PTPRK: variants seen among roughly 807,000 people sequenced by gnomAD.
PTPRK encodes protein tyrosine phosphatase receptor type K.
A neutral mutation model predicts 178.0 loss-of-function variants in PTPRK; 75 were observed. That is an observed-to-expected ratio of 0.42 (90% CI 0.35 to 0.51). The LOEUF (loss-of-function observed/expected upper bound fraction) is 0.51. Among genes scored for constraint, PTPRK ranks in the 20% least tolerant of loss-of-function variants. The probability of loss-of-function intolerance (pLI) is 0.02; values close to 1 mark genes in which losing one functional copy is unlikely to be tolerated. For missense variants in PTPRK, 1,441 were observed against 1,797.8 expected, an observed-to-expected ratio of 0.80 and a Z score of 3.59; for synonymous variants, 637 against 620.6, an observed-to-expected ratio of 1.03 and a Z score of -0.39.
Position 128,005,137 on chromosome 6 carries a change from G to C in PTPRK, c.2441C>G (p.Ala814Gly). 6.2e-7 allele frequency: 1 copy of C among 1,611,332 alleles called. No homozygotes were observed. The highest frequency in any genetic ancestry group is 8.5e-7 in the Non-Finnish European group (1 of 1,178,388). ...RSYADQSTLH[A>G]EDPLSITFMD... is the part of the protein sequence containing the mutation. ...GAAGGTGATGGAAAGAGGATCTTCT[G>C]CATGCAGAGTGCTCTGATCAGCATA... Residue 814 changes from alanine (A) to glycine (G), a missense_variant, in exon 15 of 30, where the codon GCA becomes GGA. Ala to Gly is a moderately conservative substitution (Grantham distance 60). Around this residue, in one of 4 missense-constraint regions of PTPRK, gnomAD observed 945 missense variants for 1,080.6 expected, o/e 0.87. Transcript: ENST00000368226.
At chr6:128,500,616 T>C (rs1387801464) in intron 1 of PTPRK, 1 of 152,208 alleles carries the variant, frequency 6.6e-6, no homozygotes, top group Non-Finnish European at 1.5e-5. Context: ...TATGAACATA[T>C]GTCTTTTTCC....
At chr6:128,126,960 AT>A (rs34224724) in intron 7 of PTPRK, among the ~76,000 whole-genome samples, 167 of 145,656 alleles carry the variant, frequency 1.1e-3, no homozygotes, top group Admixed American at 2.7e-3. Flanking sequence ...TGGTACTTTC[AT>A]TTTTTTTTTT....
At position 127,976,796 on chromosome 6, in the gene PTPRK, GT is replaced by G; in HGVS notation, c.3844-15del. ...CTGAGGGCAGCCCTAAATGATGAAC[GT>G]TTTGAAAGAAAAAAAAAAAGAGTAT... is the stretch of plus-strand genomic sequence containing the variant. On this transcript the variant is annotated splice_polypyrimidine_tract_variant and intron_variant, in intron 26 of 29. Coordinates refer to ENST00000368226, the MANE Select transcript of PTPRK (RefSeq NM_002844.4). 1 of 1,586,904 alleles carries G rather than the reference GT, an allele frequency of 6.3e-7. No homozygotes were observed. Among genetic ancestry groups the G allele is most frequent in the Non-Finnish European group, 8.5e-7 (1 of 1,173,158 alleles).
chr6:128,278,016 G>T (rs1388716887), intron 3 of PTPRK, among the ~76,000 whole-genome samples: 1 of 152,006 alleles, frequency 6.6e-6, no homozygotes, highest in Non-Finnish European at 1.5e-5. Flanking sequence ...CAAATTATTG[G>T]TGAAATTCTA....
intron 6 of PTPRK, among the ~76,000 whole-genome samples, chr6:128,213,242 C>G (rs1054005027): frequency 6.6e-6 from 1 of 151,972 alleles, no homozygotes; most frequent in Non-Finnish European, 1.5e-5. Flanking sequence ...ACATCTTGAA[C>G]ACTGAATCAC....
chr6:128,244,996 G>C (rs1288419724), intron 3 of PTPRK, among the ~76,000 whole-genome samples: 1 of 152,158 alleles, frequency 6.6e-6, no homozygotes, highest in Non-Finnish European at 1.5e-5. Flanking sequence ...AGGAGGAGAA[G>C]TTTGATTGAC....
intron 3 of PTPRK, among the ~76,000 whole-genome samples, chr6:128,290,021 A>G (rs1336038951): frequency 1.3e-5 from 2 of 152,168 alleles, no homozygotes; most frequent in African/African-American, 4.8e-5. Context: ...ATGGAAAACC[A>G]TTCCATTTTT....
chr6:128,254,833 G>C (rs1296824260), intron 3 of PTPRK, among the ~76,000 whole-genome samples: 1 of 152,050 alleles, frequency 6.6e-6, no homozygotes, highest in Non-Finnish European at 1.5e-5. Context: ...CAGTAAAAAT[G>C]GGTTGAAGCA....
intron 3 of PTPRK, among the ~76,000 whole-genome samples, chr6:128,315,198 T>C (rs968055759): frequency 6.6e-6 from 1 of 152,188 alleles, no homozygotes; most frequent in African/African-American, 2.4e-5. Context: ...TTATTATATT[T>C]GTGATGTTGT....
intron 1 of PTPRK, among the ~76,000 whole-genome samples, chr6:128,458,631 T>G (rs1209433276): frequency 6.6e-6 from 1 of 152,218 alleles, no homozygotes; most frequent in Non-Finnish European, 1.5e-5. Context: ...AACTGTGTGG[T>G]GAACGGTGTA....
intron 2 of PTPRK, among the ~76,000 whole-genome samples, chr6:128,394,990 G>GT (rs1321279981): frequency 1.3e-5 from 2 of 152,028 alleles, no homozygotes; most frequent in Non-Finnish European, 2.9e-5. Context: ...AACATTTGGG[G>GT]TTTTTTGTTT....
At chr6:128,479,092 G>A (rs1033435772) in intron 1 of PTPRK, among the ~76,000 whole-genome samples, 1 of 152,018 alleles carries the variant, frequency 6.6e-6, no homozygotes, top group Non-Finnish European at 1.5e-5. Flanking sequence ...AGTGTAGCTG[G>A]TATTGTTCCA....
At chr6:128,384,423 C>T (rs1421714338) in intron 2 of PTPRK, among the ~76,000 whole-genome samples, 1 of 151,474 alleles carries the variant, frequency 6.6e-6, no homozygotes, top group East Asian at 1.9e-4. Flanking sequence ...ACTTATGACT[C>T]AAAAACTCAA....
At chr6:128,267,002 T>C (rs1431041796) in intron 3 of PTPRK, among the ~76,000 whole-genome samples, 2 of 152,130 alleles carry the variant, frequency 1.3e-5, no homozygotes, top group African/African-American at 4.8e-5. Flanking sequence ...ATATTGAACA[T>C]TGTTATTAAT....
intron 7 of PTPRK, among the ~76,000 whole-genome samples, chr6:128,119,574 C>T (rs998100361): frequency 1.3e-5 from 2 of 151,958 alleles, no homozygotes; most frequent in African/African-American, 4.8e-5. Context: ...GAATAAGCTA[C>T]AGTTGTCTCT....
At chr6:128,232,896 ATTG>A (rs1010580554) in intron 5 of PTPRK, among the ~76,000 whole-genome samples, 4 of 152,176 alleles carry the variant, frequency 2.6e-5, no homozygotes, top group African/African-American at 9.7e-5. Flanking sequence ...ATTGCATTGC[ATTG>A]TTTTTTCTTT....
chr6:128,327,956 G>GA (rs1439168801), intron 2 of PTPRK, among the ~76,000 whole-genome samples: 1 of 152,140 alleles, frequency 6.6e-6, no homozygotes, highest in Non-Finnish European at 1.5e-5. Flanking sequence ...GGAAGCTAGG[G>GA]AAACAGGACA....
intron 6 of PTPRK, among the ~76,000 whole-genome samples, chr6:128,196,477 C>T (rs1174204877): frequency 6.6e-6 from 1 of 152,056 alleles, no homozygotes; most frequent in Non-Finnish European, 1.5e-5. Context: ...ACAGCCAAGC[C>T]AGCAAAAGAC....
intron 1 of PTPRK, among the ~76,000 whole-genome samples, chr6:128,444,021 T>C (rs150937841): frequency 0.015 from 2,249 of 152,124 alleles, 62 homozygotes; most frequent in African/African-American, 0.05. Context: ...CCTGGCTAAT[T>C]TTTGTACTTT....
Sources: allele counts gnomAD v4.1 joint callset (sites outside exome capture counted in the v4.1 genomes callset), GRCh38; gene constraint gnomAD v4.1.1; regional missense constraint gnomAD v4.1.1; transcripts MANE v1.5; gene names NCBI Gene and HGNC (gene_info 2026-07-23, HGNC 2026-07-21).